PIGN: variants seen among roughly 807,000 people sequenced by gnomAD.
The protein encoded by PIGN is phosphatidylinositol glycan anchor biosynthesis class N, also known as GPI ethanolamine phosphate transferase 1.
A neutral mutation model predicts 125.4 loss-of-function variants in PIGN; 117 were observed. The ratio of observed to expected loss-of-function variants is 0.93; its 90% CI spans 0.80 to 1.09. PIGN has a LOEUF of 1.09. Ranked by LOEUF, PIGN falls within the 50% of genes least tolerant of loss-of-function variation. The probability of loss-of-function intolerance (pLI) is 0.00; values close to 1 mark genes in which losing one functional copy is unlikely to be tolerated. For missense variants in PIGN, 1,075 were observed against 1,094.9 expected, an observed-to-expected ratio of 0.98 and a Z score of 0.26; for synonymous variants, 392 against 377.8, an observed-to-expected ratio of 1.04 and a Z score of -0.44.
At chr18:62,158,040 A>G in intron 4 of PIGN, 1 of 415,520 alleles carries the variant, frequency 2.4e-6, no homozygotes, top group Non-Finnish European at 4.4e-6. Context: ...CCATTCAACC[A>G]CTGCACAGAA....
intron 23 of PIGN, among the ~76,000 whole-genome samples, chr18:62,018,243 T>G (rs933883682): frequency 2.6e-5 from 4 of 152,156 alleles, no homozygotes; most frequent in African/African-American, 9.7e-5. Flanking sequence ...TTCCAGCTGC[T>G]CTGGTAGAGC....
downstream of PIGN, among the ~76,000 whole-genome samples, chr18:62,037,333 G>A (rs1483043308): frequency 6.6e-6 from 1 of 152,206 alleles, no homozygotes; most frequent in Non-Finnish European, 1.5e-5. Context: ...TAGTCTCTTG[G>A]AACTTCAGTT....
intron 27 of PIGN, 148 bp downstream of exon 27, chr18:62,084,383 A>T (rs1036752992): frequency 5.6e-6 from 3 of 538,338 alleles, no homozygotes; most frequent in South Asian, 2.7e-5. Flanking sequence ...TGTGGTTTGG[A>T]GTAAGGGATA....
intron 25 of PIGN, among the ~76,000 whole-genome samples, chr18:62,086,909 T>C (rs2033733507): frequency 6.6e-6 from 1 of 152,014 alleles, no homozygotes; most frequent in Admixed American, 6.6e-5. Flanking sequence ...GTTGGATGTC[T>C]TGGGGACTGG....
At position 62,088,767 on chromosome 18, in the gene PIGN, C is replaced by G. The variant is rs1198506052; in HGVS notation, c.2359G>C (p.Ala787Pro). The change falls in exon 25 of 31, where the codon GCC (alanine) becomes CCC (proline). Residue 787 changes from alanine (A) to proline (P), a missense_variant. Around this residue, in one of 3 missense-constraint regions of PIGN, gnomAD observed 915 missense variants for 908.7 expected, o/e 1.01. Coordinates refer to ENST00000640252, the MANE Select transcript of PIGN (RefSeq NM_176787.5). ...RQLYLDDIRR[A>P]FFLVFFLVTA... ...TCCACAAAGGATACAAGGAAAAAGG[C>G]CCTACGGATGTCATCCAGATATAGC... 1 of 1,552,328 alleles carries G rather than the reference C, an allele frequency of 6.4e-7. No homozygotes were observed. The highest frequency in any genetic ancestry group is 8.8e-7 in the Non-Finnish European group (1 of 1,142,366).
At position 62,164,674 on chromosome 18, in the gene PIGN, C is replaced by T. The variant is rs1022462588; in HGVS notation, c.-235-1018G>A. ...ATTCGAGATGGGATTTGGGTGGGGA[C>T]GCAGAGCCAAACCATATCACACAGT... On this transcript the variant is annotated intron_variant, in intron 1 of 30. Transcript: ENST00000640252. 3.3e-5 allele frequency among the ~76,000 whole-genome samples: 5 copies of T among 152,130 alleles called. No individual in the cohort carries two copies. The South Asian group carries it at 6.2e-4, about 19-fold the overall frequency.
intron 4 of PIGN, among the ~76,000 whole-genome samples, chr18:62,159,789 C>T (rs903517075): frequency 2.7e-4 from 37 of 135,624 alleles, no homozygotes; most frequent in Admixed American, 1.3e-3. Flanking sequence ...TCCCCAGTCT[C>T]ATGGAACTTT....
chr18:62,048,007 T>C (rs1480126488), intron 30 of PIGN, among the ~76,000 whole-genome samples: 18 of 151,844 alleles, frequency 1.2e-4, no homozygotes, highest in Non-Finnish European at 1.5e-5. Context: ...GCAAAGAAGA[T>C]GTAAATAAGA....
intron 19 of PIGN, among the ~76,000 whole-genome samples, chr18:62,105,870 G>A (rs1283239857): frequency 6.6e-6 from 1 of 152,174 alleles, no homozygotes; most frequent in African/African-American, 2.4e-5. Flanking sequence ...TATAATATGA[G>A]CACTTTCTCA....
Position 62,157,197 on chromosome 18 carries a change from G to A in PIGN, c.374C>T (p.Ser125Phe). The A allele has an allele frequency of 6.2e-7, 1 of 1,607,420 alleles. No individual in the cohort carries two copies. Among genetic ancestry groups the A allele is most frequent in the Non-Finnish European group, 8.5e-7 (1 of 1,175,722 alleles). Residue 125 changes from serine (S) to phenylalanine (F), a missense_variant, in exon 6 of 31, where the codon TCT becomes TTT. By Grantham distance (155) the Ser-to-Phe change is radical. This residue lies in a region of PIGN where 152 missense variants were observed against 162.9 expected (regional missense o/e 0.93). Transcript: ENST00000640252. The stretch of plus-strand genomic sequence containing the variant: ...TGTGTATTTACTTTCATTAAAAAGA[G>A]AATCAAACTCTACAGGATTTTCCTT... ...GWKENPVEFD[S>F]LFNESKYTWS...
downstream of PIGN, among the ~76,000 whole-genome samples, chr18:62,040,794 G>A (rs746754867): frequency 6.6e-6 from 1 of 152,172 alleles, no homozygotes; most frequent in Non-Finnish European, 1.5e-5. Flanking sequence ...AGGGATATTC[G>A]AGGTAACAGT....
Position 62,146,992 on chromosome 18 carries a change from C to A in PIGN, c.784G>T (p.Asp262Tyr). Residue 262 changes from aspartate (D) to tyrosine (Y), a missense_variant, in exon 9 of 31, where the codon GAC becomes TAC. Transcript: ENST00000640252. ...DGKTTFIFTSDHGMTDWGSHG... is the reference protein window; with the variant it reads ...DGKTTFIFTSYHGMTDWGSHG... ...TAACCCCAGTCTGTCATTCCATGGT[C>A]AGAGGTAAAGATAAATGTTGTTTTC... 1 of 1,612,170 alleles carries A rather than the reference C, an allele frequency of 6.2e-7. No homozygotes were observed. Among genetic ancestry groups the A allele is most frequent in the South Asian group, 1.1e-5 (1 of 91,022 alleles).
At chr18:62,154,428 G>A (rs2036646297) in intron 7 of PIGN, 117 bp downstream of exon 7, 1 of 641,978 alleles carries the variant, frequency 1.6e-6, no homozygotes, top group Non-Finnish European at 2.7e-6. Flanking sequence ...ATTCAGAACA[G>A]TGTGCTACAA....
At chr18:62,143,171 G>C (rs1206433207) in intron 11 of PIGN, 135 bp downstream of exon 11, 2 of 587,258 alleles carry the variant, frequency 3.4e-6, no homozygotes, top group Non-Finnish European at 6.0e-6. Flanking sequence ...TGCACTAAAA[G>C]AATTCCCCTT....
chr18:62,105,495 G>GA (rs748592806), intron 20 of PIGN, 48 bp downstream of exon 20: 67 of 1,094,662 alleles, frequency 6.1e-5, no homozygotes, highest in Admixed American at 1.0e-4. Context: ...GTTAATTGAG[G>GA]AAAAAAAAGT....
intron 23 of PIGN, among the ~76,000 whole-genome samples, chr18:62,094,768 A>C (rs552730222): frequency 4.6e-5 from 7 of 152,320 alleles, no homozygotes; most frequent in African/African-American, 1.7e-4. Flanking sequence ...TTTCCATGAC[A>C]TTCATATCAC....
chr18:62,172,190 T>C (rs1408462220), intron 1 of PIGN, among the ~76,000 whole-genome samples: 1 of 152,144 alleles, frequency 6.6e-6, no homozygotes, highest in East Asian at 1.9e-4. Flanking sequence ...TAAGCTTTCG[T>C]AGTTTTTAAG....
At position 62,140,461 on chromosome 18, in the gene PIGN, T is replaced by TC. The variant is rs776697598; in HGVS notation, c.981dup (p.Met328AspfsTer12). The TC allele has an allele frequency of 5.1e-6, 8 of 1,554,858 alleles. No homozygotes were observed. Among genetic ancestry groups the TC allele is most frequent in the Non-Finnish European group, 7.0e-6 (8 of 1,136,916 alleles). ...AAGGGAACTCCAATAAGGGAAGTCA[T>TC]CAATGGTGCAATATCAGCCTACAAA... On this transcript the variant is annotated frameshift_variant, in exon 12 of 31. Transcript: ENST00000640252. LOFTEE classifies it high-confidence loss of function.
At chr18:62,064,484 T>A (rs762441186) in intron 30 of PIGN, among the ~76,000 whole-genome samples, 1 of 152,238 alleles carries the variant, frequency 6.6e-6, no homozygotes, top group Non-Finnish European at 1.5e-5. Flanking sequence ...GTTCAATATG[T>A]ATTTTTTTCT....
Sources: allele counts gnomAD v4.1 joint callset (sites outside exome capture counted in the v4.1 genomes callset), GRCh38; gene constraint gnomAD v4.1.1; regional missense constraint gnomAD v4.1.1; transcripts MANE v1.5; gene names NCBI Gene and HGNC (gene_info 2026-07-23, HGNC 2026-07-21).